The following CLSTN2 variants were observed in gnomAD, a reference collection of about 807,000 sequenced individuals.
CLSTN2 encodes calsyntenin-2.
In CLSTN2, 48 loss-of-function variants were observed where a neutral mutation model predicts 101.2. The observed-to-expected ratio is 0.47, with a 90% CI of 0.38 to 0.60. The LOEUF (loss-of-function observed/expected upper bound fraction) is 0.60, where lower values mean the gene tolerates loss of function less well. Ranked by LOEUF, CLSTN2 falls within the 20% of genes least tolerant of loss-of-function variation. The pLI is 0.00. For missense variants in CLSTN2, 1,160 were observed against 1,238.2 expected, an observed-to-expected ratio of 0.94 and a Z score of 0.95; for synonymous variants, 481 against 463.6, an observed-to-expected ratio of 1.04 and a Z score of -0.48.
chr3:140,286,146 G>A (rs945731741), intron 2 of CLSTN2, among the ~76,000 whole-genome samples: 2 of 152,086 alleles, frequency 1.3e-5, no homozygotes, highest in African/African-American at 4.8e-5. Flanking sequence ...GTCCACAACT[G>A]CCCCCGGTAA....
chr3:140,165,401 T>A (rs1396969398), intron 1 of CLSTN2, among the ~76,000 whole-genome samples: 1 of 152,184 alleles, frequency 6.6e-6, no homozygotes. Context: ...TTAGGAACTG[T>A]AGACATCGTC....
intron 1 of CLSTN2, among the ~76,000 whole-genome samples, chr3:140,109,333 A>AG (rs1201800208): frequency 6.6e-6 from 1 of 152,172 alleles, no homozygotes; most frequent in Non-Finnish European, 1.5e-5. Context: ...ATCTCAGCAC[A>AG]GGCTGCTCAC....
intron 2 of CLSTN2, among the ~76,000 whole-genome samples, chr3:140,334,547 C>G (rs893139839): frequency 2.6e-5 from 4 of 152,222 alleles, no homozygotes; most frequent in Admixed American, 2.6e-4. Flanking sequence ...GATGGAAGGA[C>G]AGAGTCCCCA....
chr3:140,534,629 T>C (rs567385903), intron 9 of CLSTN2, among the ~76,000 whole-genome samples: 5 of 152,330 alleles, frequency 3.3e-5, no homozygotes, highest in Admixed American at 1.3e-4. Flanking sequence ...GCTGGATATG[T>C]AGCAAGAGGA....
At chr3:140,427,897 C>G (rs1286788075) in intron 5 of CLSTN2, among the ~76,000 whole-genome samples, 1 of 152,146 alleles carries the variant, frequency 6.6e-6, no homozygotes, top group African/African-American at 2.4e-5. Context: ...TAGTGTTTCC[C>G]TCTTGTCAAC....
intron 2 of CLSTN2, among the ~76,000 whole-genome samples, chr3:140,285,762 T>C (rs2086890308): frequency 6.6e-6 from 1 of 152,012 alleles, no homozygotes; most frequent in Admixed American, 6.6e-5. Flanking sequence ...AAATAAAGGG[T>C]GGGCCAGAGG....
chr3:140,521,129 T>TACTTCTATCAGTCCAG (rs59033791), intron 8 of CLSTN2, among the ~76,000 whole-genome samples: 46,994 of 149,808 alleles, frequency 0.31, 7,674 homozygotes, highest in East Asian at 0.46. Flanking sequence ...TTCTGATGCC[T>TACTTCTATCAGTCCAG]ACTTCTATCA....
intron 5 of CLSTN2, among the ~76,000 whole-genome samples, chr3:140,440,423 A>G (rs1413688049): frequency 6.6e-6 from 1 of 152,226 alleles, no homozygotes; most frequent in Non-Finnish European, 1.5e-5. Flanking sequence ...TATGTTCGTA[A>G]TTCAGTTCAG....
rs555185923 is a variant in CLSTN2, at chr3:140,496,370, G to A, written c.1344+29639G>A. Among the ~76,000 whole-genome samples the A allele has an allele frequency of 9.9e-5, 15 of 152,230 alleles. No homozygotes were observed. In the East Asian group the frequency reaches 2.1e-3, roughly 22 times the overall value. ...CAGCTTAAGAAGCTTTTGGGCTAAG[G>A]TGATGGGATTTTCTAGATATAGGAT... is the stretch of plus-strand genomic sequence containing the variant. On this transcript the variant is annotated intron_variant, in intron 8 of 16. Transcript: ENST00000458420.
At position 140,564,074 on chromosome 3, in the gene CLSTN2, A is replaced by G. The variant is rs1935982131; in HGVS notation, c.2596A>G (p.Thr866Ala). 1 of 1,614,054 alleles carries G rather than the reference A, an allele frequency of 6.2e-7. No individual in the cohort carries two copies. Among genetic ancestry groups the G allele is most frequent in the South Asian group, 1.1e-5 (1 of 91,066 alleles). ...RIAHQHFIQE[T>A]EAAKESEMDW... ...CGCCCACCAGCACTTCATCCAGGAGACTGAGGCTGCCAAGGAATCTGAGAT... is the reference window on the plus strand; with the variant it reads ...CGCCCACCAGCACTTCATCCAGGAGGCTGAGGCTGCCAAGGAATCTGAGAT... The change falls in exon 16 of 17, where the codon ACT becomes GCT. Residue 866 changes from threonine to alanine, a missense_variant. Thr to Ala is a moderately conservative substitution (Grantham distance 58, BLOSUM62 0). Coordinates refer to ENST00000458420, the MANE Select transcript of CLSTN2 (RefSeq NM_022131.3).
chr3:140,484,464 G>A (rs1397607554), intron 8 of CLSTN2, among the ~76,000 whole-genome samples: 2 of 152,106 alleles, frequency 1.3e-5, no homozygotes, highest in Non-Finnish European at 2.9e-5. Flanking sequence ...TTCTCAAGGA[G>A]TATCTTTGTG....
At chr3:140,408,479 C>A (rs1194456688) in intron 4 of CLSTN2, among the ~76,000 whole-genome samples, 5 of 152,190 alleles carry the variant, frequency 3.3e-5, no homozygotes, top group African/African-American at 1.2e-4. Context: ...AACAGCCTCA[C>A]AGCAACCACA....
intron 2 of CLSTN2, among the ~76,000 whole-genome samples, chr3:140,359,576 G>C (rs1034648033): frequency 3.9e-5 from 6 of 152,140 alleles, no homozygotes; most frequent in African/African-American, 1.4e-4. Flanking sequence ...AATTACTCCT[G>C]TGCAGGCTGT....
intron 1 of CLSTN2, among the ~76,000 whole-genome samples, chr3:139,995,593 C>T (rs2882368): frequency 0.3 from 45,549 of 152,132 alleles, 8,456 homozygotes; most frequent in South Asian, 0.42. Context: ...CTGTTCCATA[C>T]GTTTTGTCCC....
rs1935559752 is a variant in CLSTN2 at position 139,964,403 on chromosome 3, C to T, written c.109+28920C>T. Among the ~76,000 whole-genome samples, 2 of 152,086 alleles carry T rather than the reference C, an allele frequency of 1.3e-5. 1 individual carries two copies. Among genetic ancestry groups the T allele is most frequent in the South Asian group, 4.1e-4 (2 of 4,836 alleles). On this transcript the variant is annotated intron_variant, in intron 1 of 16. Coordinates refer to ENST00000458420, the MANE Select transcript of CLSTN2 (RefSeq NM_022131.3). Reference sequence around the variant, plus strand: ...AGTGTTAGGTGTGACAGGTGAAGAGCCCATTTCTAAGAGAGTACATGATGA... The same window carrying T: ...AGTGTTAGGTGTGACAGGTGAAGAGTCCATTTCTAAGAGAGTACATGATGA...
chr3:140,013,906 TTCC>T (rs2007142115), intron 1 of CLSTN2, among the ~76,000 whole-genome samples: 1 of 43,046 alleles, frequency 2.3e-5, no homozygotes, highest in South Asian at 1.2e-3. Context: ...GTGTCACATC[TTCC>T]TCCCCAGGTA....
At chr3:140,143,198 A>G (rs892289358) in intron 1 of CLSTN2, among the ~76,000 whole-genome samples, 1 of 152,206 alleles carries the variant, frequency 6.6e-6, no homozygotes, top group African/African-American at 2.4e-5. Flanking sequence ...GTATCTGAGT[A>G]TAAGTATTTC....
chr3:140,216,931 A>G (rs546768898), intron 2 of CLSTN2, among the ~76,000 whole-genome samples: 1 of 152,102 alleles, frequency 6.6e-6, no homozygotes, highest in Non-Finnish European at 1.5e-5. Context: ...ACATATACTA[A>G]CTCATAGTCC....
chr3:140,218,604 T>C (rs992791247), intron 2 of CLSTN2, among the ~76,000 whole-genome samples: 2 of 152,224 alleles, frequency 1.3e-5, no homozygotes, highest in African/African-American at 2.4e-5. Flanking sequence ...TCCTGATTTT[T>C]ACATATCAGC....
Sources: gnomAD v4.1 joint callset for allele counts (sites outside exome capture counted in the v4.1 genomes callset) on GRCh38, gnomAD v4.1.1 for gene constraint, MANE v1.5 for transcripts, NCBI Gene and HGNC (gene_info 2026-07-23, HGNC 2026-07-21) for gene names.